MSRA: variants seen among roughly 807,000 people sequenced by gnomAD.
MSRA encodes the protein methionine sulfoxide reductase A, also known as mitochondrial peptide methionine sulfoxide reductase.
Under a neutral mutation model 31.3 loss-of-function variants are expected in MSRA, and 54 were observed. The observed-to-expected ratio is 1.73, with a 90% CI of 1.39 to 2.17. The LOEUF is 2.17. Among genes scored for constraint, MSRA ranks in the 30% most tolerant of loss-of-function variants. The pLI is 0.00. For missense variants in MSRA, 507 were observed against 300.9 expected, an observed-to-expected ratio of 1.69 and a Z score of -5.07; for synonymous variants, 169 against 116.5, an observed-to-expected ratio of 1.45 and a Z score of -2.90.
Position 10,245,155 on chromosome 8 carries a change from T to C in MSRA, c.263T>C (p.Val88Ala). 6.2e-7 allele frequency: 1 copy of C among 1,613,002 alleles called. No individual in the cohort carries two copies. The highest frequency in any genetic ancestry group is 8.5e-7 in the Non-Finnish European group (1 of 1,179,576). Reference protein sequence around the residue: ...AERKFWVLKGVYSTQVGFAGG... With the variant: ...AERKFWVLKGAYSTQVGFAGG... ...AGGAAATTCTGGGTCTTGAAAGGAG[T>C]GTATTCAACTCAAGTTGGTTTTGCA... The change falls in exon 3 of 6, where the codon GTG (valine) becomes GCG (alanine). Residue 88 changes from valine to alanine, a missense_variant. Val to Ala is a moderately conservative substitution (Grantham distance 64). Coordinates refer to ENST00000317173, the MANE Select transcript of MSRA (RefSeq NM_012331.5).
intron 2 of MSRA, among the ~76,000 whole-genome samples, chr8:10,224,763 TG>T (rs1050001474): frequency 5.9e-5 from 9 of 152,254 alleles, no homozygotes; most frequent in African/African-American, 2.2e-4. Context: ...GGGGAAATCT[TG>T]GTCACTAGAA....
intron 5 of MSRA, among the ~76,000 whole-genome samples, chr8:10,346,622 A>G (rs1029621563): frequency 7.9e-5 from 12 of 152,334 alleles, no homozygotes; most frequent in Admixed American, 6.5e-4. Context: ...AAAAGAGGGA[A>G]AGCTTCAAGT....
At chr8:10,161,790 A>C (rs561618181) in intron 1 of MSRA, among the ~76,000 whole-genome samples, 1 of 152,152 alleles carries the variant, frequency 6.6e-6, no homozygotes, top group South Asian at 2.1e-4. Context: ...CTCCAAGGCC[A>C]CTTCAGCTTT....
At chr8:10,336,433 T>C (rs756403225) in intron 5 of MSRA, among the ~76,000 whole-genome samples, 20 of 151,982 alleles carry the variant, frequency 1.3e-4, no homozygotes, top group East Asian at 1.2e-3. Context: ...AAAAAAATTT[T>C]AATCCTTTTT....
chr8:10,315,885 C>G (rs189264021), intron 4 of MSRA, among the ~76,000 whole-genome samples: 1 of 152,296 alleles, frequency 6.6e-6, no homozygotes, highest in Admixed American at 6.5e-5. Flanking sequence ...CTTTGGCCAC[C>G]ATAAATAGAA....
At chr8:10,132,183 C>G (rs1008873732) in intron 1 of MSRA, among the ~76,000 whole-genome samples, 1 of 152,200 alleles carries the variant, frequency 6.6e-6, no homozygotes, top group African/African-American at 2.4e-5. Flanking sequence ...CCTGATCGTT[C>G]TGTAAATTGG....
intron 2 of MSRA, among the ~76,000 whole-genome samples, chr8:10,238,428 C>T (rs1447142470): frequency 4.6e-5 from 7 of 152,302 alleles, no homozygotes; most frequent in Admixed American, 1.3e-4. Context: ...CTAGAGTATA[C>T]ACACTAAACA....
intron 1 of MSRA, among the ~76,000 whole-genome samples, chr8:10,083,107 T>G (rs961697023): frequency 3.9e-5 from 6 of 152,058 alleles, no homozygotes; most frequent in African/African-American, 1.4e-4. Flanking sequence ...GCATTTAAAT[T>G]GTGACTCTCA....
intron 1 of MSRA, among the ~76,000 whole-genome samples, chr8:10,130,906 CT>C (rs1196190278): frequency 2.0e-5 from 3 of 152,174 alleles, no homozygotes; most frequent in African/African-American, 4.8e-5. Flanking sequence ...GCCACAGATG[CT>C]AAAGCCAGGA....
At chr8:10,110,049 A>G (rs1389085726) in intron 1 of MSRA, among the ~76,000 whole-genome samples, 2 of 151,944 alleles carry the variant, frequency 1.3e-5, no homozygotes, top group Admixed American at 6.5e-5. Flanking sequence ...TGGCTCTCGG[A>G]TGGGAGGCCA....
chr8:10,160,107 C>A (rs1485699861), intron 1 of MSRA, among the ~76,000 whole-genome samples: 1 of 152,154 alleles, frequency 6.6e-6, no homozygotes, highest in African/African-American at 2.4e-5. Flanking sequence ...GCAAAGAAGT[C>A]CATTTGAAAT....
intron 1 of MSRA, among the ~76,000 whole-genome samples, chr8:10,172,588 G>T (rs1311321358): frequency 1.3e-5 from 2 of 152,148 alleles, no homozygotes; most frequent in South Asian, 2.1e-4. Flanking sequence ...AAAAATAAAA[G>T]ATAGACTTAG....
chr8:10,360,447 G>A (rs963363841), intron 5 of MSRA, among the ~76,000 whole-genome samples: 7 of 152,168 alleles, frequency 4.6e-5, no homozygotes, highest in Admixed American at 6.5e-5. Flanking sequence ...GTGAGTTGTT[G>A]CTTATGCATT....
chr8:10,082,591 C>G (rs1585109522), intron 1 of MSRA, among the ~76,000 whole-genome samples: 1 of 152,302 alleles, frequency 6.6e-6, no homozygotes, highest in African/African-American at 2.4e-5. Context: ...GTTGTTTTCT[C>G]AAGCAAAGAT....
chr8:10,279,150 G>C (rs1162506081), intron 3 of MSRA, among the ~76,000 whole-genome samples: 1 of 152,298 alleles, frequency 6.6e-6, no homozygotes, highest in East Asian at 1.9e-4. Flanking sequence ...ATCTGCTGGA[G>C]CCTCTGTCTC....
intron 5 of MSRA, among the ~76,000 whole-genome samples, chr8:10,394,871 A>G (rs1438399159): frequency 6.6e-6 from 1 of 152,232 alleles, no homozygotes; most frequent in Admixed American, 6.5e-5. Context: ...AAGATTGTCC[A>G]TGCTTATTGA....
At chr8:10,404,415 C>T (rs192092054) in intron 5 of MSRA, among the ~76,000 whole-genome samples, 1 of 152,370 alleles carries the variant, frequency 6.6e-6, no homozygotes, top group East Asian at 1.9e-4. Context: ...CCCCCCAACC[C>T]TCCGTGGGGA....
chr8:10,111,943 C>T (rs1800321303), intron 1 of MSRA, among the ~76,000 whole-genome samples: 1 of 152,140 alleles, frequency 6.6e-6, no homozygotes, highest in Non-Finnish European at 1.5e-5. Context: ...GTCATAGCCG[C>T]TTCTTCCTGA....
chr8:10,261,749 C>T (rs4504639), intron 3 of MSRA, among the ~76,000 whole-genome samples: 1 of 151,746 alleles, frequency 6.6e-6, no homozygotes, highest in African/African-American at 2.4e-5. Flanking sequence ...ATTCGGGTTC[C>T]CTTTTGGTGG....
Sources: allele counts gnomAD v4.1 joint callset (sites outside exome capture counted in the v4.1 genomes callset), GRCh38; gene constraint gnomAD v4.1.1; transcripts MANE v1.5; gene names NCBI Gene and HGNC (gene_info 2026-07-23, HGNC 2026-07-21).